ICAM1: variants seen among roughly 807,000 people sequenced by gnomAD.
ICAM1 encodes ICAM-1.
A neutral mutation model predicts 42.3 loss-of-function variants in ICAM1; 28 were observed. The ratio of observed to expected loss-of-function variants is 0.66; its 90% confidence interval spans 0.49 to 0.91. ICAM1 has a LOEUF of 0.91. Among genes scored for constraint, ICAM1 ranks in the 40% least tolerant of loss-of-function variants. The pLI, the probability that ICAM1 is intolerant of heterozygous loss-of-function variation, is 0.00. For missense variants in ICAM1, 637 were observed against 688.6 expected (o/e 0.93, Z 0.84); for synonymous variants, 304 against 305.9 (o/e 0.99, Z 0.07).
chr19:10,284,995 G>A lies in ICAM1; in HGVS notation c.1393G>A (p.Glu465Lys). The A allele has an allele frequency of 1.2e-6, 2 of 1,613,348 alleles. No individual in the cohort carries two copies. The highest frequency in any genetic ancestry group is 1.7e-6 in the Non-Finnish European group (2 of 1,179,694). ...CTGTCGGGCCAGGAGCACTCAAGGG[G>A]AGGTCACCCGCAAGGTGACCGTGAA... is the stretch of plus-strand genomic sequence containing the variant. ...YLCRARSTQG[E>K]VTRKVTVNVL... The change falls in exon 6 of 7, where the codon GAG becomes AAG. Residue 465 changes from glutamate to lysine, a missense_variant. Glu to Lys is a moderately conservative substitution (Grantham distance 56, BLOSUM62 1). Coordinates refer to ENST00000264832, the MANE Select transcript of ICAM1 (RefSeq NM_000201.3). The surrounding 1 kb of genome is among the most constrained non-coding windows in gnomAD (Gnocchi z 5.4).
chr19:10,276,284 G>A (rs933087320), intron 2 of ICAM1, among the ~76,000 whole-genome samples: 8 of 151,744 alleles, frequency 5.3e-5, no homozygotes, highest in Non-Finnish European at 1.2e-4. Context: ...AGTGGCTCAC[G>A]CCTGTAATCC....
Position 10,271,211 on chromosome 19 carries a change from G to A in ICAM1, c.52G>A (p.Gly18Arg). 2 of 1,613,350 alleles carry A rather than the reference G, an allele frequency of 1.2e-6. No individual in the cohort carries two copies. Among genetic ancestry groups the A allele is most frequent in the Non-Finnish European group, 8.5e-7 (1 of 1,179,810 alleles). ...GCTGCCCGCACTCCTGGTCCTGCTC[G>A]GGGCTCTGTTCCCAGGTGAGTCGGG... Reference protein sequence around the residue: ...PALPALLVLLGALFPGPGNAQ... With the variant: ...PALPALLVLLRALFPGPGNAQ... Residue 18 changes from glycine to arginine, a missense_variant, in exon 1 of 7, where the codon GGG (glycine) becomes AGG (arginine). Coordinates refer to ENST00000264832, the MANE Select transcript of ICAM1 (RefSeq NM_000201.3).
At position 10,281,074 on chromosome 19, in the gene ICAM1, C is replaced by T. The variant is rs181291761; in HGVS notation, c.332-2407C>T. ...ATTTTTAGTAGAGACGGGGTTTCACCGTGTTAGCCAGGATGGTCTTGATCT... is the reference window on the plus strand; with the variant it reads ...ATTTTTAGTAGAGACGGGGTTTCACTGTGTTAGCCAGGATGGTCTTGATCT... On this transcript the variant is annotated intron_variant, in intron 2 of 6. Coordinates refer to ENST00000264832, the MANE Select transcript of ICAM1 (RefSeq NM_000201.3). Among the ~76,000 whole-genome samples, 1,187 of 151,352 alleles carry T rather than the reference C, an allele frequency of 7.8e-3. 12 individuals carry two copies. The highest frequency in any genetic ancestry group is 0.014 in the African/African-American group (557 of 41,206).
At chr19:10,271,740 C>T (rs1458329964) in intron 1 of ICAM1, among the ~76,000 whole-genome samples, 4 of 152,054 alleles carry the variant, frequency 2.6e-5, no homozygotes, top group African/African-American at 9.7e-5. Flanking sequence ...GGGACCCCCA[C>T]CCCCCTCAAG....
chr19:10,274,830 C>T lies in ICAM1; in HGVS notation c.133C>T (p.Leu45=), dbSNP rs1332992590. 2 of 1,614,078 alleles carry T rather than the reference C, an allele frequency of 1.2e-6. No homozygotes were observed. The highest frequency in any genetic ancestry group is 1.7e-6 in the Non-Finnish European group (2 of 1,180,034). ...KVILPRGGSV[L]VTCSTSCDQP... The stretch of plus-strand genomic sequence containing the variant: ...CATCCTGCCCCGGGGAGGCTCCGTG[C>T]TGGTGACATGCAGCACCTCCTGTGA... The change falls in exon 2 of 7, where the codon CTG becomes TTG. Residue 45 remains leucine (L), a synonymous_variant. Transcript: ENST00000264832.
chr19:10,275,998 GT>G (rs1568292356), intron 2 of ICAM1, among the ~76,000 whole-genome samples: 2 of 151,152 alleles, frequency 1.3e-5, no homozygotes, highest in African/African-American at 4.9e-5. Flanking sequence ...GTAAGCCACT[GT>G]GCCCATCCAA....
chr19:10,271,536 G>A (rs1054828633), intron 1 of ICAM1, among the ~76,000 whole-genome samples: 2 of 152,082 alleles, frequency 1.3e-5, no homozygotes, highest in South Asian at 2.1e-4. Flanking sequence ...TCAGCCTCCC[G>A]AGTAGCTGGG....
At chr19:10,282,491 C>G (rs1404768563) in intron 2 of ICAM1, 1 of 152,130 alleles carries the variant, frequency 6.6e-6, no homozygotes, top group Middle Eastern at 3.2e-3. Flanking sequence ...CGTGGATCCA[C>G]CCTCCTTGGC....
At chr19:10,276,992 G>T (rs1370357959) in intron 2 of ICAM1, among the ~76,000 whole-genome samples, 2 of 143,388 alleles carry the variant, frequency 1.4e-5, no homozygotes, top group Admixed American at 6.9e-5. Context: ...AAAAAAAAAA[G>T]AAATAAAAGA....
chr19:10,281,721 C>CTTTT (rs33958632), intron 2 of ICAM1, among the ~76,000 whole-genome samples: 2 of 106,144 alleles, frequency 1.9e-5, no homozygotes, highest in Non-Finnish European at 3.7e-5. Flanking sequence ...GGTCCTGATG[C>CTTTT]TTTTTTTTTT....
intron 2 of ICAM1, among the ~76,000 whole-genome samples, chr19:10,275,706 T>A (rs1344685266): frequency 2.1e-5 from 1 of 46,748 alleles, no homozygotes; most frequent in Non-Finnish European, 4.3e-5. Context: ...TGTTTCTTTC[T>A]TTTTTTTTTT....
Position 10,283,626 on chromosome 19 carries a change from G to A in ICAM1, c.477G>A (p.Arg159=), listed in dbSNP as rs200230074. 51 of 1,613,998 alleles carry A rather than the reference G, an allele frequency of 3.2e-5. No individual in the cohort carries two copies. The highest frequency in any genetic ancestry group is 4.2e-5 in the Non-Finnish European group (49 of 1,179,972). Residue 159 remains arginine (R), a synonymous_variant, in exon 3 of 7, where the codon CGG becomes CGA. Coordinates refer to ENST00000264832, the MANE Select transcript of ICAM1 (RefSeq NM_000201.3). ...TCCGTGGGGAGAAGGAGCTGAAACG[G>A]GAGCCAGCTGTGGGGGAGCCCGCTG... ...VLLRGEKELK[R]EPAVGEPAEV...
intron 2 of ICAM1, among the ~76,000 whole-genome samples, chr19:10,275,619 A>G (rs543546735): frequency 1.3e-5 from 2 of 151,644 alleles, no homozygotes; most frequent in East Asian, 3.9e-4. Context: ...TATAATCCCA[A>G]CTACTCCAGA....
intron 2 of ICAM1, among the ~76,000 whole-genome samples, chr19:10,276,676 C>T (rs1599265903): frequency 6.7e-6 from 1 of 149,604 alleles, no homozygotes; most frequent in Non-Finnish European, 1.5e-5. Context: ...GGCATCAGTT[C>T]TCAAAATGTC....
chr19:10,280,136 G>A (rs930779692), intron 2 of ICAM1, among the ~76,000 whole-genome samples: 13 of 152,158 alleles, frequency 8.5e-5, no homozygotes, highest in African/African-American at 3.1e-4. Context: ...CAGTGACCAG[G>A]ATTTGGTAAA....
At position 10,283,680 on chromosome 19, in the gene ICAM1, A is replaced by G; in HGVS notation, c.531A>G (p.Arg177=). The change falls in exon 3 of 7, where the codon AGA becomes AGG. Residue 177 remains arginine (R), a synonymous_variant. Transcript: ENST00000264832. ...AEVTTTVLVR[R]DHHGANFSCR... ...TCACGACCACGGTGCTGGTGAGGAG[A>G]GATCACCATGGAGCCAATTTCTCGT... is the stretch of plus-strand genomic sequence containing the variant. The G allele has an allele frequency of 1.9e-6, 3 of 1,613,904 alleles. No homozygotes were observed. Among genetic ancestry groups the G allele is most frequent in the Non-Finnish European group, 2.5e-6 (3 of 1,179,898 alleles).
At chr19:10,278,274 A>T (rs563697256) in intron 2 of ICAM1, among the ~76,000 whole-genome samples, 6 of 152,320 alleles carry the variant, frequency 3.9e-5, no homozygotes, top group African/African-American at 1.4e-4. Context: ...ATAGCTTGGG[A>T]CATGACTTCT....
chr19:10,274,822 G>C lies in ICAM1; in HGVS notation c.125G>C (p.Gly42Ala). The C allele has an allele frequency of 6.2e-7, 1 of 1,614,186 alleles. No individual in the cohort carries two copies. Among genetic ancestry groups the C allele is most frequent in the East Asian group, 2.2e-5 (1 of 44,888 alleles). ...TCAAAAGTCATCCTGCCCCGGGGAGGCTCCGTGCTGGTGACATGCAGCACC... is the reference window on the plus strand; with the variant it reads ...TCAAAAGTCATCCTGCCCCGGGGAGCCTCCGTGCTGGTGACATGCAGCACC... ...SPSKVILPRG[G>A]SVLVTCSTSC... The change falls in exon 2 of 7, where the codon GGC (glycine) becomes GCC (alanine). Residue 42 changes from glycine (G) to alanine (A), a missense_variant. By Grantham distance (60) the Gly-to-Ala change is moderately conservative. Coordinates refer to ENST00000264832, the MANE Select transcript of ICAM1 (RefSeq NM_000201.3).
Position 10,284,952 on chromosome 19 carries a change from T to G in ICAM1, c.1350T>G (p.Asp450Glu), listed in dbSNP as rs199727082. Residue 450 changes from aspartate (D) to glutamate (E), a missense_variant, in exon 6 of 7, where the codon GAT becomes GAG. By Grantham distance (45) the Asp-to-Glu change is conservative. Transcript: ENST00000264832. This position sits in a 1 kb window ranked among gnomAD's most constrained non-coding sequence, Gnocchi z 5.4. ...GGGAATCAGTGACTGTCACTCGAGA[T>G]CTTGAGGGCACCTACCTCTGTCGGG... Reference protein sequence around the residue: ...PIGESVTVTRDLEGTYLCRAR... With the variant: ...PIGESVTVTRELEGTYLCRAR... The G allele has an allele frequency of 2.7e-5, 43 of 1,610,510 alleles. No individual in the cohort carries two copies. The highest frequency in any genetic ancestry group is 3.4e-5 in the Non-Finnish European group (40 of 1,177,762).
Sources: gnomAD v4.1 joint callset for allele counts (sites outside exome capture counted in the v4.1 genomes callset) on GRCh38, gnomAD v4.1.1 for gene constraint, Gnocchi (gnomAD v3.1) non-coding constraint, MANE v1.5 for transcripts, NCBI Gene and HGNC (gene_info 2026-07-23, HGNC 2026-07-21) for gene names.